The following GALNT17 variants were observed in gnomAD, a reference collection of about 807,000 sequenced individuals.
GALNT17 encodes polypeptide N-acetylgalactosaminyltransferase 17, also known as UDP-GalNAc:polypeptide N-acetylgalactosaminyltransferase-like 3.
In GALNT17, 29 loss-of-function variants were observed where a neutral mutation model predicts 63.7. The ratio of observed to expected loss-of-function variants is 0.46; its 90% CI spans 0.34 to 0.62. The LOEUF (loss-of-function observed/expected upper bound fraction) is 0.62, where lower values mean the gene tolerates loss of function less well. GALNT17 is among the 20% of genes least tolerant of loss of function. The probability of loss-of-function intolerance (pLI) is 0.01; values close to 1 mark genes in which losing one functional copy is unlikely to be tolerated. For missense variants in GALNT17, 603 were observed against 799.6 expected, an observed-to-expected ratio of 0.75 and a Z score of 2.97; for synonymous variants, 305 against 318.3, an observed-to-expected ratio of 0.96 and a Z score of 0.45.
Position 71,442,692 on chromosome 7 carries a change from A to C in GALNT17, c.962+21587A>C, listed in dbSNP as rs113879907. Among the ~76,000 whole-genome samples, 495 of 152,186 alleles carry C rather than the reference A, an allele frequency of 3.3e-3. 1 individual carries two copies. Among genetic ancestry groups the C allele is most frequent in the African/African-American group, 0.011 (471 of 41,532 alleles). On this transcript the variant is annotated intron_variant, in intron 5 of 10. Coordinates refer to ENST00000333538, the MANE Select transcript of GALNT17 (RefSeq NM_022479.3). Reference sequence around the variant, plus strand: ...CGGAAGTGTAGGCTCCTGTGTCATTAAGTCATTCTGGTAGTACATCCTTAC... The same window carrying C: ...CGGAAGTGTAGGCTCCTGTGTCATTCAGTCATTCTGGTAGTACATCCTTAC...
At chr7:71,509,119 G>A (rs192708232) in intron 5 of GALNT17, among the ~76,000 whole-genome samples, 58 of 152,236 alleles carry the variant, frequency 3.8e-4, no homozygotes, top group East Asian at 1.2e-3. Context: ...AGTAGAATCC[G>A]TACTTCGAGT....
intron 3 of GALNT17, among the ~76,000 whole-genome samples, chr7:71,400,862 G>T (rs1563065727): frequency 1.3e-5 from 2 of 152,316 alleles, no homozygotes; most frequent in Non-Finnish European, 2.9e-5. Context: ...GACAAGATGG[G>T]TATTGGTGCT....
chr7:71,693,026 A>G lies in GALNT17; in HGVS notation c.1500+15720A>G, dbSNP rs143419444. ...AGTGCATGAGCCACCGCACCCAGCCATAAGTACATATTTGTTATAGTATAT... is the reference window on the plus strand; with the variant it reads ...AGTGCATGAGCCACCGCACCCAGCCGTAAGTACATATTTGTTATAGTATAT... On this transcript the variant is annotated intron_variant, in intron 9 of 10. Coordinates refer to ENST00000333538, the MANE Select transcript of GALNT17 (RefSeq NM_022479.3). 1.5e-3 allele frequency among the ~76,000 whole-genome samples: 226 copies of G among 152,006 alleles called. 3 individuals are homozygous for G. The East Asian group carries it at 0.026, about 17-fold the overall frequency.
chr7:71,557,683 C>T (rs1413381134), intron 5 of GALNT17, among the ~76,000 whole-genome samples: 1 of 152,024 alleles, frequency 6.6e-6, no homozygotes, highest in Non-Finnish European at 1.5e-5. Context: ...CCCAGATACT[C>T]GGGAGGCTGA....
At chr7:71,475,456 G>A (rs144122389) in intron 5 of GALNT17, among the ~76,000 whole-genome samples, 3,070 of 152,164 alleles carry the variant, frequency 0.02, 44 homozygotes, top group African/African-American at 0.031. Context: ...TAGATCCCTC[G>A]CATGCACAGT....
At chr7:71,458,559 G>GCCCT (rs1355768006) in intron 5 of GALNT17, among the ~76,000 whole-genome samples, 2 of 152,210 alleles carry the variant, frequency 1.3e-5, no homozygotes, top group Admixed American at 1.3e-4. Flanking sequence ...CCAGCTCAGT[G>GCCCT]CCCTGTTGGT....
chr7:71,405,220 T>C (rs980661815), intron 3 of GALNT17, among the ~76,000 whole-genome samples: 1 of 152,192 alleles, frequency 6.6e-6, no homozygotes. Context: ...CAACATCACA[T>C]TCACAGGAAT....
At chr7:71,413,759 A>G (rs1793474369) in intron 3 of GALNT17, among the ~76,000 whole-genome samples, 1 of 152,168 alleles carries the variant, frequency 6.6e-6, no homozygotes, top group Non-Finnish European at 1.5e-5. Context: ...AGTATCTTAT[A>G]AAGTCCAGAA....
At chr7:71,526,962 AT>A (rs1276347821) in intron 5 of GALNT17, among the ~76,000 whole-genome samples, 8 of 152,198 alleles carry the variant, frequency 5.3e-5, no homozygotes, top group African/African-American at 1.9e-4. Context: ...CACAACTATC[AT>A]TTCCTTTGCC....
intron 5 of GALNT17, among the ~76,000 whole-genome samples, chr7:71,533,530 A>G (rs1388344549): frequency 1.3e-5 from 2 of 151,760 alleles, no homozygotes; most frequent in African/African-American, 4.9e-5. Context: ...TTTCCACTTT[A>G]ACAGCTGGGG....
chr7:71,245,165 C>G (rs764482700), intron 1 of GALNT17, among the ~76,000 whole-genome samples: 27 of 152,212 alleles, frequency 1.8e-4, no homozygotes, highest in Admixed American at 7.9e-4. Flanking sequence ...CATCTGCCCT[C>G]GTCCTCCATC....
At chr7:71,631,405 G>A (rs1378669140) in intron 6 of GALNT17, among the ~76,000 whole-genome samples, 2 of 152,056 alleles carry the variant, frequency 1.3e-5, no homozygotes, top group Non-Finnish European at 2.9e-5. Flanking sequence ...GCCCAGGCTG[G>A]TCTGGAATTC....
At chr7:71,418,446 G>A (rs1311503948) in intron 4 of GALNT17, among the ~76,000 whole-genome samples, 2 of 152,174 alleles carry the variant, frequency 1.3e-5, no homozygotes, top group Admixed American at 1.3e-4. Context: ...TGCATGGCAC[G>A]TCAGCTGCGG....
At chr7:71,497,182 A>G (rs767947388) in intron 5 of GALNT17, among the ~76,000 whole-genome samples, 8 of 152,222 alleles carry the variant, frequency 5.3e-5, no homozygotes, top group Non-Finnish European at 8.8e-5. Flanking sequence ...AGGACTGGAT[A>G]CATTTGACAT....
intron 1 of GALNT17, among the ~76,000 whole-genome samples, chr7:71,271,871 C>T (rs559561376): frequency 1.1e-4 from 17 of 152,274 alleles, no homozygotes; most frequent in Non-Finnish European, 1.0e-4. Context: ...GCGATCCTCC[C>T]GCCTCAGCCT....
intron 1 of GALNT17, among the ~76,000 whole-genome samples, chr7:71,278,496 C>T (rs1790721259): frequency 6.6e-6 from 1 of 152,232 alleles, no homozygotes; most frequent in African/African-American, 2.4e-5. Context: ...CCAATCTCTG[C>T]CTCTGTCTTC....
chr7:71,466,284 G>T (rs1193213434), intron 5 of GALNT17, among the ~76,000 whole-genome samples: 1 of 152,088 alleles, frequency 6.6e-6, no homozygotes, highest in East Asian at 1.9e-4. Flanking sequence ...GGAAGTTGAG[G>T]GGTCAGATAT....
At chr7:71,644,767 T>C (rs1437940130) in intron 6 of GALNT17, among the ~76,000 whole-genome samples, 1 of 151,558 alleles carries the variant, frequency 6.6e-6, no homozygotes, top group African/African-American at 2.4e-5. Context: ...ATAATAATAA[T>C]AATAAAGTAA....
At chr7:71,578,188 C>G (rs1021184495) in intron 6 of GALNT17, among the ~76,000 whole-genome samples, 2 of 152,042 alleles carry the variant, frequency 1.3e-5, no homozygotes, top group Non-Finnish European at 2.9e-5. Context: ...AGGCACCCAC[C>G]ACCACGCCTG....
Sources: allele counts gnomAD v4.1 joint callset (sites outside exome capture counted in the v4.1 genomes callset), GRCh38; gene constraint gnomAD v4.1.1; transcripts MANE v1.5; gene names NCBI Gene and HGNC (gene_info 2026-07-23, HGNC 2026-07-21).